CADM1: variants seen among roughly 807,000 people sequenced by gnomAD.
The protein encoded by CADM1 is TSLC-1.
Under a neutral mutation model 53.1 loss-of-function variants are expected in CADM1, and 15 were observed. The ratio of observed to expected loss-of-function variants is 0.28; its 90% confidence interval spans 0.19 to 0.44. The LOEUF is 0.44. Among genes scored for constraint, CADM1 ranks in the 20% least tolerant of loss-of-function variants. The probability of loss-of-function intolerance (pLI) is 1.00; values close to 1 mark genes in which losing one functional copy is unlikely to be tolerated. For synonymous variants in CADM1, 281 were observed against 243.0 expected (o/e 1.16, Z -1.45); for missense variants, 434 against 611.3 (o/e 0.71, Z 3.06).
chr11:115,203,828 T>C (rs1741997609), intron 8 of CADM1, among the ~76,000 whole-genome samples: 1 of 152,148 alleles, frequency 6.6e-6, no homozygotes. Context: ...TGGTTAGCTA[T>C]GTTGTTATTT....
chr11:115,385,136 A>G (rs1591767244), intron 1 of CADM1, among the ~76,000 whole-genome samples: 1 of 145,210 alleles, frequency 6.9e-6, no homozygotes, highest in Non-Finnish European at 1.5e-5. Context: ...AGTTTTTACC[A>G]CCTAGCCACC....
chr11:115,187,369 G>A (rs1028206270), intron 10 of CADM1, among the ~76,000 whole-genome samples: 2 of 152,134 alleles, frequency 1.3e-5, no homozygotes, highest in Admixed American at 1.3e-4. Context: ...CCCCACCTCC[G>A]GGACTGATAA....
chr11:115,263,207 A>G (rs1591652737), intron 1 of CADM1, among the ~76,000 whole-genome samples: 2 of 152,368 alleles, frequency 1.3e-5, no homozygotes, highest in Middle Eastern at 6.8e-3. Context: ...AGGTTTCTCC[A>G]CTGAAAAATT....
At chr11:115,326,125 C>G (rs1170291355) in intron 1 of CADM1, among the ~76,000 whole-genome samples, 1 of 152,128 alleles carries the variant, frequency 6.6e-6, no homozygotes, top group Non-Finnish European at 1.5e-5. Context: ...CTAAGCAAAA[C>G]TACAGGAAGC....
intron 10 of CADM1, among the ~76,000 whole-genome samples, chr11:115,189,883 C>T (rs927866025): frequency 6.6e-6 from 1 of 152,164 alleles, no homozygotes; most frequent in Non-Finnish European, 1.5e-5. Context: ...GAAGATATCC[C>T]TGAGGTTCGT....
intron 1 of CADM1, among the ~76,000 whole-genome samples, chr11:115,441,114 T>C (rs1948299435): frequency 6.6e-6 from 1 of 151,908 alleles, no homozygotes. Context: ...ATGGTGTTTT[T>C]TCTTCTGGGA....
At chr11:115,362,944 C>T (rs557866144) in intron 1 of CADM1, among the ~76,000 whole-genome samples, 1 of 152,180 alleles carries the variant, frequency 6.6e-6, no homozygotes, top group Non-Finnish European at 1.5e-5. Flanking sequence ...CAAGCTCCTA[C>T]TAGGTGCTAG....
chr11:115,229,034 G>T (rs1254740818), intron 5 of CADM1, 79 bp downstream of exon 5: 2 of 1,250,918 alleles, frequency 1.6e-6, no homozygotes, highest in Non-Finnish European at 2.3e-6. Flanking sequence ...TAAAATGAAT[G>T]CATTGAATAA....
Position 115,174,153 on chromosome 11 carries a change from C to G in CADM1, c.*2321G>C. ...CGCAACACATGAACCTGAGACATGT[C>G]AACATTGTAAGCCATAAAGTTACAT... On this transcript the variant is annotated 3_prime_UTR_variant, in exon 12 of 12. Coordinates refer to ENST00000331581, the MANE Select transcript of CADM1 (RefSeq NM_001301043.2). 1 of 985,414 alleles carries G rather than the reference C, an allele frequency of 1.0e-6. No homozygotes were observed. Among genetic ancestry groups the G allele is most frequent in the South Asian group, 4.7e-5 (1 of 21,290 alleles). The allele number at this position is 985,414 out of a possible 1,614,324, so 61.0% of individuals were successfully genotyped here.
At chr11:115,311,227 T>C (rs750800474) in intron 1 of CADM1, among the ~76,000 whole-genome samples, 1 of 152,090 alleles carries the variant, frequency 6.6e-6, no homozygotes, top group Non-Finnish European at 1.5e-5. Flanking sequence ...AAATAGGTAA[T>C]AAAAATTTTT....
chr11:115,343,821 G>T (rs1945508523), intron 1 of CADM1, among the ~76,000 whole-genome samples: 1 of 151,538 alleles, frequency 6.6e-6, no homozygotes, highest in Admixed American at 6.6e-5. Context: ...TTATCTCTGT[G>T]ATATTGGGCA....
intron 1 of CADM1, among the ~76,000 whole-genome samples, chr11:115,491,604 T>C (rs1949499241): frequency 6.6e-6 from 1 of 151,788 alleles, no homozygotes; most frequent in Non-Finnish European, 1.5e-5. Flanking sequence ...CCTTCCACTA[T>C]CCAAGTAAAA....
chr11:115,292,611 G>T (rs1444617396), intron 1 of CADM1, among the ~76,000 whole-genome samples: 1 of 152,216 alleles, frequency 6.6e-6, no homozygotes, highest in Non-Finnish European at 1.5e-5. Flanking sequence ...ATCTACACTT[G>T]TATGGCATGT....
chr11:115,327,922 T>C (rs1945003073), intron 1 of CADM1, among the ~76,000 whole-genome samples: 1 of 152,218 alleles, frequency 6.6e-6, no homozygotes, highest in South Asian at 2.1e-4. Flanking sequence ...GAATGCTATA[T>C]GGTTCTTTGT....
At chr11:115,195,406 T>A (rs1940097407) in intron 9 of CADM1, among the ~76,000 whole-genome samples, 1 of 152,228 alleles carries the variant, frequency 6.6e-6, no homozygotes, top group African/African-American at 2.4e-5. Flanking sequence ...GCTTTAAAAA[T>A]TTTTATTTTT....
chr11:115,418,265 G>A (rs1181306120), intron 1 of CADM1, among the ~76,000 whole-genome samples: 4 of 152,122 alleles, frequency 2.6e-5, no homozygotes, highest in Admixed American at 6.5e-5. Context: ...AGTATAGCCC[G>A]AGGGTATAAG....
At chr11:115,231,207 C>T in intron 4 of CADM1, 146 bp downstream of exon 4, 1 of 918,390 alleles carries the variant, frequency 1.1e-6, no homozygotes, top group Non-Finnish European at 1.8e-6. Flanking sequence ...GCTTTGGCCT[C>T]AGACATATTT....
intron 1 of CADM1, among the ~76,000 whole-genome samples, chr11:115,259,601 C>A (rs1942907628): frequency 6.6e-6 from 1 of 152,092 alleles, no homozygotes; most frequent in East Asian, 1.9e-4. Flanking sequence ...CCACCATGTC[C>A]AGCCAACTTT....
In CADM1 at chr11:115,420,238, T is replaced by C. The variant is rs551530027; in HGVS notation, c.124+84033A>G. Among the ~76,000 whole-genome samples, 108 of 152,192 alleles carry C rather than the reference T, an allele frequency of 7.1e-4. 1 individual carries two copies. The Middle Eastern group carries it at 0.02, about 29-fold the overall frequency. Reference sequence around the variant, plus strand: ...GTATAGTGTAACAAGGAAAGACGTGTCCACACAGGAGATCACCACACAAGC... The same window carrying C: ...GTATAGTGTAACAAGGAAAGACGTGCCCACACAGGAGATCACCACACAAGC... On this transcript the variant is annotated intron_variant, in intron 1 of 11. Transcript: ENST00000331581.
Sources: gnomAD v4.1 joint callset for allele counts (sites outside exome capture counted in the v4.1 genomes callset) on GRCh38, gnomAD v4.1.1 for gene constraint, MANE v1.5 for transcripts, NCBI Gene and HGNC (gene_info 2026-07-23, HGNC 2026-07-21) for gene names.